The following TLL2 variants were observed in gnomAD, a reference collection of about 807,000 sequenced individuals.
TLL2 encodes tolloid like 2.
In TLL2, 106 loss-of-function variants were observed where a neutral mutation model predicts 123.0. The observed-to-expected ratio is 0.86, with a 90% CI of 0.74 to 1.01. TLL2 has a LOEUF of 1.01. Ranked by LOEUF, TLL2 falls within the 50% of genes least tolerant of loss-of-function variation. TLL2 has a pLI of 0.00. For missense variants in TLL2, 1,332 were observed against 1,336.7 expected (o/e 1.00, Z 0.06); for synonymous variants, 494 against 516.8 (o/e 0.96, Z 0.60).
In TLL2 at chr10:96,405,387, G is replaced by T. The variant is rs1846440199; in HGVS notation, c.1165-53C>A. 9.6e-6 allele frequency: 15 copies of T among 1,558,234 alleles called. No homozygotes were observed. The South Asian group carries it at 1.7e-4, about 17-fold the overall frequency. On this transcript the variant is annotated intron_variant, in intron 9 of 20. Transcript: ENST00000357947. ...TTGGCAGCAAAGCCTGAGGAGTTTG[G>T]GAAGATATATCTTGCATACTGGTGT... is the stretch of plus-strand genomic sequence containing the variant.
chr10:96,446,485 C>T lies in TLL2; in HGVS notation c.287-317G>A, dbSNP rs529177993. ...TACCAGGCAACCCCAAAATCAGCTT[C>T]CTCACGCGCCCCCCACCTCCATAAG... On this transcript the variant is annotated intron_variant, in intron 2 of 20. Coordinates refer to ENST00000357947, the MANE Select transcript of TLL2 (RefSeq NM_012465.4). Among the ~76,000 whole-genome samples, 19 of 142,400 alleles carry T rather than the reference C, an allele frequency of 1.3e-4. No homozygotes were observed. In the South Asian group the frequency reaches 4.8e-3, roughly 36 times the overall value. The allele number at this position is 142,400 out of a possible 152,430, so 93.4% of individuals were successfully genotyped here. A position where few individuals can be genotyped will look rare whatever the true frequency, so the allele number is the denominator to read the frequency against.
intron 16 of TLL2, among the ~76,000 whole-genome samples, chr10:96,382,203 G>C (rs1413033313): frequency 6.6e-6 from 1 of 152,040 alleles, no homozygotes; most frequent in Non-Finnish European, 1.5e-5. Flanking sequence ...CTTATTTTTT[G>C]CATTTTTAGT....
Position 96,410,444 on chromosome 10 carries a change from C to A in TLL2, c.1079G>T (p.Gly360Val). The A allele has an allele frequency of 6.2e-7, 1 of 1,614,022 alleles. No individual in the cohort carries two copies. The highest frequency in any genetic ancestry group is 1.3e-5 in the African/African-American group (1 of 75,022). Residue 360 changes from glycine to valine, a missense_variant, in exon 9 of 21, where the codon GGA becomes GTA. By Grantham distance (109) the Gly-to-Val change is moderately radical. Coordinates refer to ENST00000357947, the MANE Select transcript of TLL2 (RefSeq NM_012465.4). ...ACGETLQDTT[G>V]NFSAPGFPNG... ...TGGGAAACCAGGTGCAGAAAAGTTT[C>A]CCGTTGTGTCCTGCAGGGTCTCCCC...
rs868750945 is a variant in TLL2, at chr10:96,476,242, T to A, written c.286+4107A>T. Among the ~76,000 whole-genome samples, 16 of 12,392 alleles carry A rather than the reference T, an allele frequency of 1.3e-3. 1 individual carries two copies. The highest frequency in any genetic ancestry group is 3.3e-3 in the African/African-American group (12 of 3,660). 8.1% of individuals were successfully genotyped at this position (12,392 alleles called of 152,430 possible). On this transcript the variant is annotated intron_variant, in intron 2 of 20. Transcript: ENST00000357947. ...TATATGTATATATATATATATATATTTTATTTTTGTTGTTGTTGTTGTTGT... is the reference window on the plus strand; with the variant it reads ...TATATGTATATATATATATATATATATTATTTTTGTTGTTGTTGTTGTTGT...
intron 3 of TLL2, among the ~76,000 whole-genome samples, chr10:96,442,683 T>G (rs571086908): frequency 1.3e-5 from 2 of 152,188 alleles, no homozygotes; most frequent in African/African-American, 4.8e-5. Context: ...AGCCCAAGAT[T>G]TTTTGTTGCA....
chr10:96,449,896 C>T (rs566212626), intron 2 of TLL2, among the ~76,000 whole-genome samples: 7 of 152,296 alleles, frequency 4.6e-5, no homozygotes, highest in East Asian at 1.9e-4. Context: ...TGAGTATCCG[C>T]CCCCCTGCTC....
At chr10:96,489,923 C>T (rs2134108751) in intron 1 of TLL2, among the ~76,000 whole-genome samples, 1 of 152,154 alleles carries the variant, frequency 6.6e-6, no homozygotes, top group Non-Finnish European at 1.5e-5. Context: ...ATGGTGACAC[C>T]TGTCTCTACT....
At chr10:96,476,248 T>TTTTTTTTTTTTTGTTGTTG (rs1285354320) in intron 2 of TLL2, among the ~76,000 whole-genome samples, 7 of 69,240 alleles carry the variant, frequency 1.0e-4, no homozygotes, top group African/African-American at 4.4e-4. Context: ...ATATTTTATT[T>TTTTTTTTTTTTTGTTGTTG]TTGTTGTTGT....
intron 1 of TLL2, among the ~76,000 whole-genome samples, chr10:96,506,149 G>A (rs1310174194): frequency 6.7e-6 from 1 of 149,464 alleles, no homozygotes; most frequent in African/African-American, 2.4e-5. Flanking sequence ...CTACTCAGGA[G>A]GCTGAGGCAG....
chr10:96,420,589 C>A (rs1203260652), intron 7 of TLL2, among the ~76,000 whole-genome samples: 1 of 152,198 alleles, frequency 6.6e-6, no homozygotes, highest in Non-Finnish European at 1.5e-5. Context: ...AACCAAACCT[C>A]TGCTAGGAGA....
At chr10:96,432,639 C>T (rs1442151668) in intron 4 of TLL2, among the ~76,000 whole-genome samples, 168 bp downstream of exon 4, 1 of 152,194 alleles carries the variant, frequency 6.6e-6, no homozygotes, top group African/African-American at 2.4e-5. Context: ...GCAATTTCCC[C>T]AGGACTGGTG....
intron 3 of TLL2, among the ~76,000 whole-genome samples, chr10:96,438,336 A>T (rs1846817359): frequency 6.6e-6 from 1 of 152,152 alleles, no homozygotes; most frequent in Non-Finnish European, 1.5e-5. Flanking sequence ...GAATTTTGTT[A>T]ACTGTATATC....
intron 1 of TLL2, among the ~76,000 whole-genome samples, chr10:96,485,844 T>G (rs1185663309): frequency 6.6e-6 from 1 of 152,198 alleles, no homozygotes; most frequent in Non-Finnish European, 1.5e-5. Flanking sequence ...TCCCTGAAGA[T>G]TTGGCACAAG....
At chr10:96,474,360 C>T (rs1321851789) in intron 2 of TLL2, among the ~76,000 whole-genome samples, 1 of 152,206 alleles carries the variant, frequency 6.6e-6, no homozygotes, top group East Asian at 1.9e-4. Context: ...CTACCCAGGC[C>T]ATCTCCCCAA....
chr10:96,480,528 C>A, intron 1 of TLL2, 69 bp from the exon 2 acceptor site: 1 of 1,233,130 alleles, frequency 8.1e-7, no homozygotes, highest in South Asian at 1.2e-5. Flanking sequence ...ACTAATGCCC[C>A]AAAGGGCATT....
At position 96,469,369 on chromosome 10, in the gene TLL2, C is replaced by T. The variant is rs1034550675; in HGVS notation, c.286+10980G>A. ...ATCCTTACTTCCTACAAGAACCAGT[C>T]GCTCTTGCCTTGTTCTTTTGAGCTC... On this transcript the variant is annotated intron_variant, in intron 2 of 20. Transcript: ENST00000357947. 2.8e-4 allele frequency among the ~76,000 whole-genome samples: 43 copies of T among 152,256 alleles called. 1 individual carries two copies. The highest frequency in any genetic ancestry group is 1.0e-3 in the African/African-American group (42 of 41,458).
chr10:96,436,443 T>G (rs1846795607), intron 3 of TLL2, among the ~76,000 whole-genome samples: 1 of 152,348 alleles, frequency 6.6e-6, no homozygotes, highest in East Asian at 1.9e-4. Flanking sequence ...ATTTTTGGCT[T>G]CTTAATGTAT....
At chr10:96,429,663 G>A (rs990404826) in intron 4 of TLL2, among the ~76,000 whole-genome samples, 6 of 152,094 alleles carry the variant, frequency 3.9e-5, no homozygotes, top group African/African-American at 7.2e-5. Flanking sequence ...ACTGCACTTC[G>A]CCCCCTCATT....
chr10:96,402,942 C>T (rs937162616), intron 10 of TLL2, among the ~76,000 whole-genome samples: 2 of 152,200 alleles, frequency 1.3e-5, no homozygotes, highest in African/African-American at 4.8e-5. Context: ...TGGCCAACCA[C>T]CCGATACCAG....
Sources: allele counts gnomAD v4.1 joint callset (sites outside exome capture counted in the v4.1 genomes callset), GRCh38; gene constraint gnomAD v4.1.1; transcripts MANE v1.5; gene names NCBI Gene and HGNC (gene_info 2026-07-23, HGNC 2026-07-21).